The following DYNC1H1 variants were observed in gnomAD, a reference collection of about 807,000 sequenced individuals.
DYNC1H1 encodes the protein dynein cytoplasmic 1 heavy chain 1.
In DYNC1H1, 51 loss-of-function variants were observed where a neutral mutation model predicts 527.1. The ratio of observed to expected loss-of-function variants is 0.10; its 90% CI spans 0.08 to 0.12. The LOEUF is 0.12. DYNC1H1 is among the 10% of genes least tolerant of loss of function. The pLI, the probability that DYNC1H1 is intolerant of heterozygous loss-of-function variation, is 1.00. For synonymous variants in DYNC1H1, 2,189 were observed against 2,278.8 expected (o/e 0.96, Z 1.12); for missense variants, 2,771 against 5,971.8 (o/e 0.46, Z 17.66).
intron 16 of DYNC1H1, among the ~76,000 whole-genome samples, 173 bp from the exon 17 acceptor site, chr14:101,999,816 T>C (rs986616316): frequency 7.9e-5 from 12 of 152,258 alleles, no homozygotes; most frequent in African/African-American, 2.9e-4. Context: ...TTAAATTCGC[T>C]ACTGTACACA....
In DYNC1H1 at chr14:102,050,129, C is replaced by T. The variant is rs1310446969; in HGVS notation, c.13743C>T (p.Ile4581=). The part of the protein sequence containing the change: ...NNNKLSLSNA[I]STALPLTQLR... The stretch of plus-strand genomic sequence containing the variant: ...ACAAGCTGTCACTGTCCAATGCCAT[C>T]TCAACCGCCCTTCCCCTGACGCAGC... The change falls in exon 77 of 78, where the codon ATC becomes ATT. Residue 4581 remains isoleucine (I), a synonymous_variant. Coordinates refer to ENST00000360184, the MANE Select transcript of DYNC1H1 (RefSeq NM_001376.5). The T allele has an allele frequency of 3.7e-6, 6 of 1,601,196 alleles. No individual in the cohort carries two copies. The highest frequency in any genetic ancestry group is 1.1e-5 in the South Asian group (1 of 90,892).
At chr14:102,004,092 A>C (rs2048167191) in intron 23 of DYNC1H1, among the ~76,000 whole-genome samples, 1 of 150,652 alleles carries the variant, frequency 6.6e-6, no homozygotes, top group Admixed American at 6.6e-5. Context: ...ATACAAAAAA[A>C]AATTAGCCGG....
chr14:102,039,765 T>C lies in DYNC1H1; in HGVS notation c.11690+33T>C. On this transcript the variant is annotated intron_variant, in intron 62 of 77. Transcript: ENST00000360184. The surrounding 1 kb of genome is among the most constrained non-coding windows in gnomAD (Gnocchi z 7.0). ...CACTCACGCCCACAGGAGGATGCCATATTGCTGGTGGCCCCCAAGGGTTTC... is the reference window on the plus strand; with the variant it reads ...CACTCACGCCCACAGGAGGATGCCACATTGCTGGTGGCCCCCAAGGGTTTC... The C allele has an allele frequency of 6.2e-7, 1 of 1,610,312 alleles. No individual in the cohort carries two copies. The highest frequency in any genetic ancestry group is 8.5e-7 in the Non-Finnish European group (1 of 1,176,756).
At position 102,051,090 on chromosome 14, in the gene DYNC1H1, C is replaced by T. The variant is rs1567026921; in HGVS notation, c.*527C>T. The T allele has an allele frequency of 4.7e-6, 1 of 213,544 alleles. No homozygotes were observed. Among genetic ancestry groups the T allele is most frequent in the Non-Finnish European group, 9.5e-6 (1 of 105,706 alleles). 13.2% of individuals were successfully genotyped at this position (213,544 alleles called of 1,614,324 possible). On this transcript the variant is annotated 3_prime_UTR_variant, in exon 78 of 78. Coordinates refer to ENST00000360184, the MANE Select transcript of DYNC1H1 (RefSeq NM_001376.5). ...ACCAGCCTCGGCAACATAGTGAGAC[C>T]CCGTCTCTACAGGAAATTAAATCAG...
Position 102,040,414 on chromosome 14 carries a change from A to AT in DYNC1H1, c.11865+6dup, listed in dbSNP as rs778151097. The stretch of plus-strand genomic sequence containing the variant: ...TGCAAAGGTTCAGGCAGACGAGGTG[A>AT]TTGTTCTCTTGAATGTTCCCAGTAG... On this transcript the variant is annotated splice_donor_region_variant and intron_variant, in intron 63 of 77. Coordinates refer to ENST00000360184, the MANE Select transcript of DYNC1H1 (RefSeq NM_001376.5). 1 of 1,614,130 alleles carries AT rather than the reference A, an allele frequency of 6.2e-7. No individual in the cohort carries two copies. The highest frequency in any genetic ancestry group is 1.7e-5 in the Admixed American group (1 of 60,022).
At position 102,020,371 on chromosome 14, in the gene DYNC1H1, C is replaced by T. The variant is rs187382604; in HGVS notation, c.8507+315C>T. Among the ~76,000 whole-genome samples, 6 of 152,124 alleles carry T rather than the reference C, an allele frequency of 3.9e-5. No homozygotes were observed. The highest frequency in any genetic ancestry group is 2.1e-4 in the South Asian group (1 of 4,822). ...AAGATACATCATAGAAGTCAAAAAA[C>T]GGGGCACTTTAATAAACCTTTTAAA... On this transcript the variant is annotated intron_variant, in intron 42 of 77. Coordinates refer to ENST00000360184, the MANE Select transcript of DYNC1H1 (RefSeq NM_001376.5). The surrounding 1 kb of genome is among the most constrained non-coding windows in gnomAD (Gnocchi z 4.3).
intron 10 of DYNC1H1, 141 bp downstream of exon 10, chr14:101,988,993 G>T: frequency 8.6e-7 from 1 of 1,163,366 alleles, no homozygotes. Flanking sequence ...AGCCTCACCA[G>T]TGGCGATGTG....
intron 4 of DYNC1H1, 67 bp from the exon 5 acceptor site, chr14:101,980,297 T>A: frequency 6.3e-7 from 1 of 1,576,870 alleles, no homozygotes; most frequent in Non-Finnish European, 8.7e-7. Context: ...GCATGTGTTT[T>A]GTTAACGATA....
chr14:101,964,618 C>G lies in DYNC1H1; in HGVS notation c.-74C>G. ...ACGGTCCGGCTTCCGGCGGCCGTTT[C>G]TGTCTCTTGCTGGCTGTCTCGCTGA... is the stretch of plus-strand genomic sequence containing the variant. On this transcript the variant is annotated 5_prime_UTR_variant, in exon 1 of 78. Coordinates refer to ENST00000360184, the MANE Select transcript of DYNC1H1 (RefSeq NM_001376.5). This position sits in a 1 kb window ranked among gnomAD's most constrained non-coding sequence, Gnocchi z 5.5. 1.3e-5 allele frequency: 20 copies of G among 1,525,630 alleles called. No homozygotes were observed. The highest frequency in any genetic ancestry group is 1.4e-5 in the African/African-American group (1 of 72,626). The allele number at this position is 1,525,630 out of a possible 1,614,324, so 94.5% of individuals were successfully genotyped here. A position where few individuals can be genotyped will look rare whatever the true frequency, so the allele number is the denominator to read the frequency against.
chr14:102,055,465 C>T lies in DYNC1H1; in HGVS notation c.*4902C>T, dbSNP rs1567028627. On this transcript the variant is annotated 3_prime_UTR_variant, in exon 78 of 78. Coordinates refer to ENST00000360184, the MANE Select transcript of DYNC1H1 (RefSeq NM_001376.5). ...TGACCCCATGCTCTCCTGTTGGAGT[C>T]ACCACCTCTTTGCCAACAGCCACCA... 1 of 152,716 alleles carries T rather than the reference C, an allele frequency of 6.5e-6. No homozygotes were observed. Among genetic ancestry groups the T allele is most frequent in the Non-Finnish European group, 1.5e-5 (1 of 68,302 alleles). 9.5% of individuals were successfully genotyped at this position (152,716 alleles called of 1,614,324 possible).
Position 102,012,307 on chromosome 14 carries a change from C to T in DYNC1H1, c.6858-7C>T. 1 of 1,614,158 alleles carries T rather than the reference C, an allele frequency of 6.2e-7. No homozygotes were observed. Among genetic ancestry groups the T allele is most frequent in the Non-Finnish European group, 8.5e-7 (1 of 1,180,046 alleles). The stretch of plus-strand genomic sequence containing the variant: ...TCAGCAGCTATTTTAAAATCCTTCC[C>T]AACCAGGATCATCGACAGCGTGAGA... On this transcript the variant is annotated splice_region_variant and splice_polypyrimidine_tract_variant and intron_variant, in intron 33 of 77. Transcript: ENST00000360184. This position sits in a 1 kb window ranked among gnomAD's most constrained non-coding sequence, Gnocchi z 4.9.
At chr14:101,996,495 C>G (rs937593388) in intron 15 of DYNC1H1, among the ~76,000 whole-genome samples, 4 of 152,082 alleles carry the variant, frequency 2.6e-5, no homozygotes, top group Non-Finnish European at 5.9e-5. Context: ...GTATCCTGTC[C>G]GGGGCCATCC....
chr14:102,040,932 T>C (rs531726054), intron 64 of DYNC1H1: 10 of 545,422 alleles, frequency 1.8e-5, no homozygotes, highest in Non-Finnish European at 3.0e-5. Flanking sequence ...CACTCCAGCC[T>C]GGGCAGCAGA....
Position 102,050,260 on chromosome 14 carries a change from G to A in DYNC1H1, c.13812+62G>A. ...GACCCCTGCGGTAACAAGGGCAGAG[G>A]CGGCTCCTCTTCTATGCCTGGGTTC... is the stretch of plus-strand genomic sequence containing the variant. On this transcript the variant is annotated intron_variant, in intron 77 of 77. Coordinates refer to ENST00000360184, the MANE Select transcript of DYNC1H1 (RefSeq NM_001376.5). 1.9e-6 allele frequency: 3 copies of A among 1,613,360 alleles called. No homozygotes were observed. In the South Asian group the frequency reaches 3.3e-5, roughly 18 times the overall value.
rs2047846391 is a variant in DYNC1H1, at chr14:101,980,110, C to CAA, written c.774+136_774+137insAA. 2.2e-6 allele frequency: 3 copies of CAA among 1,382,978 alleles called. No individual in the cohort carries two copies. In the South Asian group the frequency reaches 3.7e-5, roughly 17 times the overall value. 85.7% of individuals were successfully genotyped at this position (1,382,978 alleles called of 1,614,324 possible). ...TGCCGCCTCTTGGTCCTGGGACTGT[C>CAA]CAGTGCAGGACTAGCCTTGGTCTGG... On this transcript the variant is annotated intron_variant, in intron 4 of 77. Coordinates refer to ENST00000360184, the MANE Select transcript of DYNC1H1 (RefSeq NM_001376.5).
rs140585032 is a variant in DYNC1H1, at chr14:102,025,537, G to A, written c.8638-1037G>A. 5.7e-3 allele frequency among the ~76,000 whole-genome samples: 832 copies of A among 146,278 alleles called. 6 individuals are homozygous for A. Among genetic ancestry groups the A allele is most frequent in the Admixed American group, 9.4e-3 (136 of 14,494 alleles). ...AGATCAGGCCACTGCACTCTAGCCT[G>A]GGTGACAGAGTGAGACCCTGTCTCA... is the stretch of plus-strand genomic sequence containing the variant. On this transcript the variant is annotated intron_variant, in intron 43 of 77. Transcript: ENST00000360184.
chr14:101,971,974 G>C (rs1313135198), intron 1 of DYNC1H1, among the ~76,000 whole-genome samples: 1 of 152,128 alleles, frequency 6.6e-6, no homozygotes, highest in African/African-American at 2.4e-5. Flanking sequence ...CCAGTACTTT[G>C]ATTCTTTGAA....
At chr14:101,980,124 G>A in intron 4 of DYNC1H1, 150 bp downstream of exon 4, 1 of 1,317,858 alleles carries the variant, frequency 7.6e-7, no homozygotes, top group Non-Finnish European at 1.1e-6. Context: ...TGCAGGACTA[G>A]CCTTGGTCTG....
Position 101,979,276 on chromosome 14 carries a change from G to A in DYNC1H1, c.345-43G>A, listed in dbSNP as rs772835173. The A allele has an allele frequency of 8.8e-6, 14 of 1,582,782 alleles. No individual in the cohort carries two copies. The highest frequency in any genetic ancestry group is 1.2e-5 in the Non-Finnish European group (14 of 1,152,074). On this transcript the variant is annotated intron_variant, in intron 2 of 77. Transcript: ENST00000360184. This position sits in a 1 kb window ranked among gnomAD's most constrained non-coding sequence, Gnocchi z 4.6. ...ATTTTTAAATTAATAAGCCTAATTA[G>A]GAGTGTAACTTTTCTAATTTCTTGT... is the stretch of plus-strand genomic sequence containing the variant.
Sources: gnomAD v4.1 joint callset for allele counts (sites outside exome capture counted in the v4.1 genomes callset) on GRCh38, gnomAD v4.1.1 for gene constraint, Gnocchi (gnomAD v3.1) non-coding constraint, MANE v1.5 for transcripts, NCBI Gene and HGNC (gene_info 2026-07-23, HGNC 2026-07-21) for gene names.